Variants in GPC5 observed in about 807,000 individuals in gnomAD.
GPC5 encodes the protein glypican 5, also known as glypican-5.
In GPC5, 47 loss-of-function variants were observed where a neutral mutation model predicts 53.9. The ratio of observed to expected loss-of-function variants is 0.87; its 90% CI spans 0.69 to 1.11. GPC5 has a LOEUF of 1.11. Ranked by LOEUF, GPC5 falls within the 50% of genes most tolerant of loss-of-function variation. The pLI, the probability that GPC5 is intolerant of heterozygous loss-of-function variation, is 0.00. For missense variants in GPC5, 748 were observed against 713.1 expected, an observed-to-expected ratio of 1.05 and a Z score of -0.56; for synonymous variants, 286 against 263.3, an observed-to-expected ratio of 1.09 and a Z score of -0.84.
At chr13:92,309,397 CAT>C (rs1483939869) in intron 7 of GPC5, among the ~76,000 whole-genome samples, 8 of 151,986 alleles carry the variant, frequency 5.3e-5, no homozygotes, top group African/African-American at 4.8e-5. Context: ...ACATATTAAA[CAT>C]ATGGATTATT....
chr13:92,672,317 T>C (rs1265532676), intron 7 of GPC5, among the ~76,000 whole-genome samples: 2 of 152,122 alleles, frequency 1.3e-5, no homozygotes, highest in African/African-American at 2.4e-5. Flanking sequence ...GAAATACAAA[T>C]CAAGACCACA....
chr13:92,572,027 C>T (rs1193451111), intron 7 of GPC5, among the ~76,000 whole-genome samples: 1 of 151,632 alleles, frequency 6.6e-6, no homozygotes, highest in African/African-American at 2.4e-5. Flanking sequence ...AGAATGAGCC[C>T]CTGTCTGGAA....
chr13:91,726,366 A>G (rs953400598), intron 3 of GPC5, among the ~76,000 whole-genome samples: 3 of 152,172 alleles, frequency 2.0e-5, no homozygotes, highest in Non-Finnish European at 2.9e-5. Context: ...CTCTAGTCCA[A>G]CTTCTACAGT....
rs569629092 is a variant in GPC5 at position 92,282,305 on chromosome 13, C to G, written c.1561+137316C>G. On this transcript the variant is annotated intron_variant, in intron 7 of 7. Coordinates refer to ENST00000377067, the MANE Select transcript of GPC5 (RefSeq NM_004466.6). ...CTGAAAGTGACGGGGAGAATGGAAC[C>G]AAGTTGGAAAACACTCTGCAGGATA... Among the ~76,000 whole-genome samples, 29 of 152,256 alleles carry G rather than the reference C, an allele frequency of 1.9e-4. No individual in the cohort carries two copies. In the South Asian group the frequency reaches 6.0e-3, roughly 32 times the overall value.
chr13:91,446,443 G>A (rs190463729), intron 1 of GPC5, among the ~76,000 whole-genome samples: 1 of 152,106 alleles, frequency 6.6e-6, no homozygotes. Flanking sequence ...TTAGAAACAT[G>A]ACTGTCACTC....
At chr13:92,063,996 T>TGA (rs370655123) in intron 6 of GPC5, among the ~76,000 whole-genome samples, 29 of 151,170 alleles carry the variant, frequency 1.9e-4, no homozygotes, top group South Asian at 1.9e-3. Context: ...CAAATTTGGC[T>TGA]GAGAGAGAGA....
chr13:91,986,481 G>A (rs1261917023), intron 6 of GPC5, among the ~76,000 whole-genome samples: 1 of 152,166 alleles, frequency 6.6e-6, no homozygotes, highest in Non-Finnish European at 1.5e-5. Context: ...GAATTTGTTT[G>A]TAGCTATTTC....
intron 7 of GPC5, among the ~76,000 whole-genome samples, chr13:92,582,633 T>A (rs1349859160): frequency 6.6e-6 from 1 of 152,166 alleles, no homozygotes; most frequent in Non-Finnish European, 1.5e-5. Flanking sequence ...TACATGAGCA[T>A]GAGATATCTT....
chr13:92,718,444 A>C (rs938698449), intron 7 of GPC5, among the ~76,000 whole-genome samples: 1 of 152,144 alleles, frequency 6.6e-6, no homozygotes, highest in Non-Finnish European at 1.5e-5. Context: ...GAAATAGGCC[A>C]GGCATAGAAA....
intron 7 of GPC5, among the ~76,000 whole-genome samples, chr13:92,444,166 A>T (rs1304861552): frequency 1.3e-5 from 2 of 152,138 alleles, no homozygotes; most frequent in African/African-American, 4.8e-5. Flanking sequence ...GGAATGATAA[A>T]TTTTTAAATA....
chr13:92,663,999 G>A (rs949120552), intron 7 of GPC5, among the ~76,000 whole-genome samples: 2 of 150,310 alleles, frequency 1.3e-5, no homozygotes, highest in South Asian at 2.1e-4. Flanking sequence ...TTGAACCCGG[G>A]AGGCAGAGGT....
chr13:91,666,950 G>T (rs1221412985), intron 2 of GPC5, among the ~76,000 whole-genome samples: 1 of 151,978 alleles, frequency 6.6e-6, no homozygotes, highest in Non-Finnish European at 1.5e-5. Flanking sequence ...AAACAATTTT[G>T]AATGTAAATA....
chr13:92,429,089 A>C (rs1226034571), intron 7 of GPC5, among the ~76,000 whole-genome samples: 14 of 152,144 alleles, frequency 9.2e-5, no homozygotes, highest in Admixed American at 9.2e-4. Context: ...GAAAAAATTA[A>C]AGTCAAAGGA....
At chr13:91,572,151 GTGTGTATACACACACATA>G (rs2031921621) in intron 2 of GPC5, among the ~76,000 whole-genome samples, 15 of 129,430 alleles carry the variant, frequency 1.2e-4, no homozygotes, top group African/African-American at 4.5e-4. Flanking sequence ...GTATATATAC[GTGTGTATACACACACATA>G]TGTATATATA....
At chr13:92,613,119 G>A (rs529569432) in intron 7 of GPC5, among the ~76,000 whole-genome samples, 14 of 149,492 alleles carry the variant, frequency 9.4e-5, no homozygotes, top group Admixed American at 2.7e-4. Flanking sequence ...GAAGCAATAC[G>A]CCTGAATTAA....
chr13:92,030,307 G>A (rs1049106920), intron 6 of GPC5, among the ~76,000 whole-genome samples: 3 of 152,068 alleles, frequency 2.0e-5, no homozygotes, highest in Non-Finnish European at 4.4e-5. Context: ...TACCTGTTAT[G>A]TTCTCCACCA....
At chr13:92,692,715 G>A (rs964661154) in intron 7 of GPC5, among the ~76,000 whole-genome samples, 7 of 121,330 alleles carry the variant, frequency 5.8e-5, no homozygotes, top group South Asian at 2.7e-4. Context: ...AACAGTGTAC[G>A]TGTGTTCCCT....
At chr13:91,403,609 A>G (rs568193215) in intron 1 of GPC5, among the ~76,000 whole-genome samples, 145 of 152,260 alleles carry the variant, frequency 9.5e-4, no homozygotes, top group African/African-American at 3.4e-3. Context: ...TTGCCTCATC[A>G]TTGTTTTCTA....
chr13:92,249,467 C>T (rs2042676586), intron 7 of GPC5, among the ~76,000 whole-genome samples: 1 of 152,108 alleles, frequency 6.6e-6, no homozygotes, highest in Non-Finnish European at 1.5e-5. Context: ...TTCTGTGTGG[C>T]TCCTCTTATG....
Sources: allele counts gnomAD v4.1 joint callset (sites outside exome capture counted in the v4.1 genomes callset), GRCh38; gene constraint gnomAD v4.1.1; transcripts MANE v1.5; gene names NCBI Gene and HGNC (gene_info 2026-07-23, HGNC 2026-07-21).